The following FOXP1 variants were observed in gnomAD, a reference collection of about 807,000 sequenced individuals.
FOXP1 encodes forkhead box protein P1.
FOXP1 carries 15 observed loss-of-function variants against 98.2 expected under a neutral mutation model. The observed-to-expected ratio is 0.15, with a 90% CI of 0.10 to 0.24. The LOEUF (loss-of-function observed/expected upper bound fraction) is 0.24. FOXP1 is among the 10% of genes least tolerant of loss of function. FOXP1 has a pLI of 1.00. For missense variants in FOXP1, 633 were observed against 848.5 expected (o/e 0.75, Z 3.15); for synonymous variants, 371 against 314.5 (o/e 1.18, Z -1.90).
intron 3 of FOXP1, among the ~76,000 whole-genome samples, chr3:71,409,834 C>A (rs933129478): frequency 6.6e-6 from 1 of 152,064 alleles, no homozygotes; most frequent in Non-Finnish European, 1.5e-5. Context: ...GGCAACATGG[C>A]AAAACCTTGT....
chr3:71,467,379 G>A (rs1454023638), intron 3 of FOXP1, among the ~76,000 whole-genome samples: 4 of 152,184 alleles, frequency 2.6e-5, no homozygotes, highest in African/African-American at 9.7e-5. Context: ...TGGATGAAAA[G>A]ACAAGTTAAT....
intron 3 of FOXP1, among the ~76,000 whole-genome samples, chr3:71,397,433 T>C (rs534015736): frequency 6.6e-6 from 1 of 152,318 alleles, no homozygotes; most frequent in Non-Finnish European, 1.5e-5. Flanking sequence ...AATGTAGGTA[T>C]TGCTGCCTGC....
chr3:71,512,490 A>G (rs370010141), intron 2 of FOXP1, among the ~76,000 whole-genome samples: 30 of 152,262 alleles, frequency 2.0e-4, no homozygotes, highest in East Asian at 3.9e-4. Context: ...CACCATATGC[A>G]TGTTCCTGAA....
At chr3:71,583,854 C>A (rs1435514445), upstream of FOXP1, 2 of 985,730 alleles carry the variant, frequency 2.0e-6, no homozygotes, top group African/African-American at 3.5e-5. Flanking sequence ...GGCCCGGGGG[C>A]GCACCCCGGC....
chr3:71,422,209 A>G (rs554136732), intron 3 of FOXP1, among the ~76,000 whole-genome samples: 1 of 152,344 alleles, frequency 6.6e-6, no homozygotes, highest in African/African-American at 2.4e-5. Flanking sequence ...GGGGAGTGAT[A>G]ATGCAGGCAC....
intron 4 of FOXP1, chr3:71,306,077 T>A (rs2074251815): frequency 6.6e-6 from 1 of 152,186 alleles, no homozygotes; most frequent in South Asian, 2.1e-4. Context: ...TTACTCTAGA[T>A]TAAATATGCA....
At chr3:71,232,185 C>T (rs1380414942) in intron 5 of FOXP1, among the ~76,000 whole-genome samples, 1 of 152,196 alleles carries the variant, frequency 6.6e-6, no homozygotes, top group African/African-American at 2.4e-5. Context: ...AGATGTGCCA[C>T]TATTTATTAA....
chr3:71,244,444 A>G lies in FOXP1; in HGVS notation c.-11-46052T>C, dbSNP rs547888061. On this transcript the variant is annotated intron_variant, in intron 5 of 20. Coordinates refer to ENST00000649528, the MANE Select transcript of FOXP1 (RefSeq NM_001349338.3). ...TACCTTTGTTCTGGAGTTGCAGATA[A>G]TAACAGGCAAGCCTCAAGACCATGA... is the stretch of plus-strand genomic sequence containing the variant. Among the ~76,000 whole-genome samples, 14 of 151,908 alleles carry G rather than the reference A, an allele frequency of 9.2e-5. No homozygotes were observed. In the South Asian group the frequency reaches 2.9e-3, roughly 32 times the overall value.
intron 7 of FOXP1, among the ~76,000 whole-genome samples, chr3:71,073,140 T>A (rs1000854269): frequency 2.0e-5 from 3 of 152,350 alleles, no homozygotes; most frequent in African/African-American, 7.2e-5. Context: ...TAATTGATCT[T>A]AATTAAATTC....
chr3:71,491,516 T>C (rs977824711), intron 3 of FOXP1, among the ~76,000 whole-genome samples: 3 of 152,222 alleles, frequency 2.0e-5, no homozygotes, highest in Non-Finnish European at 2.9e-5. Context: ...ACCATTTCTT[T>C]TCATTGTGGA....
At chr3:71,566,564 G>T (rs924417657) in intron 2 of FOXP1, among the ~76,000 whole-genome samples, 1 of 152,212 alleles carries the variant, frequency 6.6e-6, no homozygotes, top group Admixed American at 6.5e-5. Context: ...GGGCAATTTG[G>T]AAAATAGATA....
intron 3 of FOXP1, among the ~76,000 whole-genome samples, chr3:71,365,941 C>T (rs1400897351): frequency 6.6e-6 from 1 of 152,176 alleles, no homozygotes; most frequent in African/African-American, 2.4e-5. Flanking sequence ...CCACTGCACT[C>T]CAGCCTGGCG....
chr3:71,032,715 C>CA (rs1449658175), intron 11 of FOXP1, among the ~76,000 whole-genome samples: 7 of 152,106 alleles, frequency 4.6e-5, no homozygotes, highest in Admixed American at 2.0e-4. Context: ...AATAACTGCA[C>CA]AAAAAAGCAT....
chr3:71,284,624 G>A (rs970376698), intron 5 of FOXP1, among the ~76,000 whole-genome samples: 4 of 152,068 alleles, frequency 2.6e-5, no homozygotes, highest in African/African-American at 4.8e-5. Context: ...CAGGAAAACT[G>A]GACATGGTGT....
At chr3:70,965,201 C>A (rs746971343) in intron 20 of FOXP1, among the ~76,000 whole-genome samples, 18 of 152,216 alleles carry the variant, frequency 1.2e-4, no homozygotes, top group Non-Finnish European at 2.2e-4. Flanking sequence ...TATAGTTACA[C>A]CAAGTTCTCT....
intron 2 of FOXP1, among the ~76,000 whole-genome samples, chr3:71,512,356 T>C (rs2042259856): frequency 6.6e-6 from 1 of 152,078 alleles, no homozygotes; most frequent in South Asian, 2.1e-4. Context: ...ACACACCCTG[T>C]AAGCAAGGTA....
chr3:71,495,864 A>G (rs559945906), intron 2 of FOXP1, among the ~76,000 whole-genome samples: 3 of 152,304 alleles, frequency 2.0e-5, no homozygotes, highest in African/African-American at 4.8e-5. Context: ...ATCATGGGCC[A>G]CATTTTGTAA....
intron 6 of FOXP1, among the ~76,000 whole-genome samples, chr3:71,192,203 G>T (rs1229482482): frequency 6.6e-6 from 1 of 152,130 alleles, no homozygotes. Context: ...CCAATTGAGG[G>T]CATTTCTAAC....
chr3:71,400,642 C>T (rs2081898767), intron 3 of FOXP1, among the ~76,000 whole-genome samples: 1 of 152,140 alleles, frequency 6.6e-6, no homozygotes, highest in Admixed American at 6.5e-5. Context: ...AATGCCTGAG[C>T]CACCACGGCC....
Sources: allele counts gnomAD v4.1 joint callset (sites outside exome capture counted in the v4.1 genomes callset), GRCh38; gene constraint gnomAD v4.1.1; transcripts MANE v1.5; gene names NCBI Gene and HGNC (gene_info 2026-07-23, HGNC 2026-07-21).